The following SNTG1 variants were observed in gnomAD, a reference collection of about 807,000 sequenced individuals.
SNTG1 encodes the protein syntrophin gamma 1, also known as gamma-1-syntrophin.
Under a neutral mutation model 74.7 loss-of-function variants are expected in SNTG1, and 39 were observed. The observed-to-expected ratio is 0.52, with a 90% CI of 0.40 to 0.68. The LOEUF is 0.68. Ranked by LOEUF, SNTG1 falls within the 30% of genes least tolerant of loss-of-function variation. The pLI, the probability that SNTG1 is intolerant of heterozygous loss-of-function variation, is 0.00. For synonymous variants in SNTG1, 254 were observed against 217.1 expected, an observed-to-expected ratio of 1.17 and a Z score of -1.49; for missense variants, 685 against 609.5, an observed-to-expected ratio of 1.12 and a Z score of -1.30.
intron 1 of SNTG1, among the ~76,000 whole-genome samples, chr8:49,940,013 C>T (rs940272352): frequency 2.6e-5 from 4 of 152,142 alleles, no homozygotes; most frequent in East Asian, 1.9e-4. Context: ...TATTTGAATT[C>T]GACATAGCAT....
At chr8:50,526,602 T>C (rs895430336) in intron 9 of SNTG1, among the ~76,000 whole-genome samples, 4 of 149,186 alleles carry the variant, frequency 2.7e-5, no homozygotes, top group Non-Finnish European at 5.9e-5. Flanking sequence ...TCAGCATATA[T>C]ATGTGTGTGT....
At chr8:50,524,756 T>C (rs2094206710) in intron 9 of SNTG1, among the ~76,000 whole-genome samples, 1 of 152,172 alleles carries the variant, frequency 6.6e-6, no homozygotes, top group Admixed American at 6.5e-5. Flanking sequence ...AGGATGTGCA[T>C]AGGCTATATG....
At chr8:49,994,643 G>A (rs764245879) in intron 1 of SNTG1, among the ~76,000 whole-genome samples, 3 of 151,490 alleles carry the variant, frequency 2.0e-5, no homozygotes, top group Admixed American at 6.6e-5. Flanking sequence ...CGGATTCATG[G>A]CTAAAAAAAA....
intron 13 of SNTG1, among the ~76,000 whole-genome samples, chr8:50,651,784 T>G (rs575378435): frequency 2.0e-5 from 3 of 150,088 alleles, no homozygotes; most frequent in South Asian, 2.1e-4. Context: ...TTCATTAAAT[T>G]ATTTATTTTT....
Position 50,767,788 on chromosome 8 carries a change from T to C in SNTG1, c.1395+15677T>C, listed in dbSNP as rs2095617472. On this transcript the variant is annotated intron_variant, in intron 18 of 18. Transcript: ENST00000642720. ...TTTACTGCCTCTAATATTATATGTT[T>C]ATGTATATGTATTTTTTCTTAAATT... 2.0e-5 allele frequency among the ~76,000 whole-genome samples: 3 copies of C among 151,994 alleles called. No homozygotes were observed. The South Asian group carries it at 6.2e-4, about 31-fold the overall frequency.
intron 2 of SNTG1, among the ~76,000 whole-genome samples, chr8:50,312,854 T>C (rs2090169129): frequency 6.7e-6 from 1 of 150,088 alleles, no homozygotes. Flanking sequence ...AATATAACTA[T>C]CTTACCCAAA....
intron 1 of SNTG1, among the ~76,000 whole-genome samples, chr8:50,125,542 AT>A (rs1233730190): frequency 7.0e-6 from 1 of 141,940 alleles, no homozygotes; most frequent in Non-Finnish European, 1.6e-5. Flanking sequence ...TTAGAACATG[AT>A]TTTTTTAATA....
intron 1 of SNTG1, among the ~76,000 whole-genome samples, chr8:49,945,294 T>C (rs1809073053): frequency 6.6e-6 from 1 of 152,184 alleles, no homozygotes; most frequent in African/African-American, 2.4e-5. Flanking sequence ...GGCTACAGGA[T>C]TGCCCTCCTT....
chr8:50,478,069 T>C (rs1262031297), intron 8 of SNTG1, among the ~76,000 whole-genome samples: 1 of 152,144 alleles, frequency 6.6e-6, no homozygotes, highest in Non-Finnish European at 1.5e-5. Flanking sequence ...TCCTCTCCTA[T>C]AGATTTTGCT....
intron 4 of SNTG1, among the ~76,000 whole-genome samples, chr8:50,417,767 C>T (rs531024239): frequency 6.6e-6 from 1 of 152,110 alleles, no homozygotes; most frequent in Non-Finnish European, 1.5e-5. Context: ...GAAAACAATG[C>T]CCCACTGCCA....
At chr8:50,705,886 G>A (rs761838786) in intron 16 of SNTG1, among the ~76,000 whole-genome samples, 4 of 152,298 alleles carry the variant, frequency 2.6e-5, no homozygotes, top group Middle Eastern at 3.4e-3. Flanking sequence ...GTTTTCATGC[G>A]CTTGCCACAT....
chr8:50,508,254 C>T (rs879450436), intron 9 of SNTG1, among the ~76,000 whole-genome samples: 1 of 152,158 alleles, frequency 6.6e-6, no homozygotes, highest in Non-Finnish European at 1.5e-5. Flanking sequence ...ATGAACTCAT[C>T]ATTTTTTATG....
At chr8:50,037,113 G>A (rs1289543319) in intron 1 of SNTG1, among the ~76,000 whole-genome samples, 2 of 152,182 alleles carry the variant, frequency 1.3e-5, no homozygotes, top group African/African-American at 4.8e-5. Flanking sequence ...GTGACAACTG[G>A]CTTGCACAGT....
intron 2 of SNTG1, among the ~76,000 whole-genome samples, chr8:50,228,376 T>A (rs999569233): frequency 1.3e-5 from 2 of 151,888 alleles, no homozygotes; most frequent in African/African-American, 4.8e-5. Flanking sequence ...GAAATTATGA[T>A]AGCTAAGAAC....
At chr8:50,701,106 G>A (rs1015135526) in intron 15 of SNTG1, among the ~76,000 whole-genome samples, 5 of 151,644 alleles carry the variant, frequency 3.3e-5, no homozygotes, top group Admixed American at 3.3e-4. Context: ...AAAATTTTCT[G>A]ACTAATAATG....
At chr8:50,439,233 T>C (rs2093335640) in intron 5 of SNTG1, among the ~76,000 whole-genome samples, 1 of 152,156 alleles carries the variant, frequency 6.6e-6, no homozygotes, top group Non-Finnish European at 1.5e-5. Flanking sequence ...TTTTAAAGCA[T>C]AGGAAATTAT....
intron 18 of SNTG1, among the ~76,000 whole-genome samples, chr8:50,781,162 G>GA (rs1192698807): frequency 6.6e-6 from 1 of 151,882 alleles, no homozygotes; most frequent in Non-Finnish European, 1.5e-5. Flanking sequence ...GTATGTTGCT[G>GA]AAAAAAATGT....
chr8:50,058,363 C>A (rs998621947), intron 1 of SNTG1, among the ~76,000 whole-genome samples: 3 of 152,122 alleles, frequency 2.0e-5, no homozygotes, highest in Non-Finnish European at 2.9e-5. Flanking sequence ...TAAATACACT[C>A]ATATAGTAAA....
At chr8:50,112,618 G>A (rs867200669) in intron 1 of SNTG1, among the ~76,000 whole-genome samples, 1 of 147,356 alleles carries the variant, frequency 6.8e-6, no homozygotes, top group South Asian at 2.1e-4. Context: ...TATCTCCCAG[G>A]TTCAAGAGAG....
Sources: gnomAD v4.1 joint callset for allele counts (sites outside exome capture counted in the v4.1 genomes callset) on GRCh38, gnomAD v4.1.1 for gene constraint, MANE v1.5 for transcripts, NCBI Gene and HGNC (gene_info 2026-07-23, HGNC 2026-07-21) for gene names.